Variants in CFAP263 observed in about 807,000 individuals in gnomAD.
CFAP263 encodes cilia and flagella associated protein 263.
chr16:58,252,963 C>T, the CFAP263 span: 1 of 1,056,268 alleles, frequency 9.5e-7, no homozygotes, highest in East Asian at 2.4e-5. Flanking sequence ...ACCATGGGAC[C>T]TTCTCCCTGT....
chr16:58,279,667 T>TTTTTTTC, the CFAP263 span: 1 of 1,496,288 alleles, frequency 6.7e-7, no homozygotes, highest in Non-Finnish European at 8.8e-7. Context: ...ATTTTTTTTC[T>TTTTTTTC]TTTTTTCTTT....
At chr16:58,253,378 CT>C in the CFAP263 span, among the ~76,000 whole-genome samples, 1 of 150,874 alleles carries the variant, frequency 6.6e-6, no homozygotes, top group Non-Finnish European at 1.5e-5. Context: ...AAGACTCTGT[CT>C]CAAAAAAATT....
chr16:58,280,357 T>A, the CFAP263 span: 4 of 1,614,184 alleles, frequency 2.5e-6, no homozygotes, highest in Non-Finnish European at 3.4e-6. Context: ...GTATAAGGGT[T>A]GTACAGACGC....
the CFAP263 span, chr16:58,259,834 A>C: frequency 2.1e-6 from 3 of 1,455,238 alleles, no homozygotes; most frequent in Admixed American, 3.5e-5. Context: ...AATGCATTAA[A>C]ATATGCCTTT....
chr16:58,270,412 G>T, the CFAP263 span, among the ~76,000 whole-genome samples: 1 of 151,832 alleles, frequency 6.6e-6, no homozygotes, highest in Non-Finnish European at 1.5e-5. Flanking sequence ...AAACAGAAGG[G>T]TTATATCGGT....
the CFAP263 span, among the ~76,000 whole-genome samples, chr16:58,263,603 A>G: frequency 1.4e-4 from 21 of 152,304 alleles, no homozygotes; most frequent in South Asian, 8.3e-4. Flanking sequence ...CACAGTTTAA[A>G]AATGTGAATA....
chr16:58,266,081 C>A, the CFAP263 span, among the ~76,000 whole-genome samples: 1 of 152,166 alleles, frequency 6.6e-6, no homozygotes, highest in Non-Finnish European at 1.5e-5. Flanking sequence ...GGACATGGAA[C>A]AGGAAATGAG....
chr16:58,280,453 A>G, the CFAP263 span: 1 of 1,614,180 alleles, frequency 6.2e-7, no homozygotes, highest in Non-Finnish European at 8.5e-7. Flanking sequence ...TGAATGCGTG[A>G]TGGTCCTTCT....
chr16:58,262,461 C>T, the CFAP263 span: 2 of 1,612,756 alleles, frequency 1.2e-6, no homozygotes, highest in East Asian at 2.2e-5. Context: ...TTTCTTGAGA[C>T]AATTGAAGCA....
At chr16:58,258,617 CCA>C in the CFAP263 span, 2 of 1,210,322 alleles carry the variant, frequency 1.7e-6, no homozygotes, top group Non-Finnish European at 2.4e-6. Context: ...TCCCTTTGGT[CCA>C]CCATAAATGT....
the CFAP263 span, among the ~76,000 whole-genome samples, chr16:58,274,969 C>T: frequency 1.3e-5 from 2 of 152,164 alleles, no homozygotes; most frequent in Non-Finnish European, 2.9e-5. Context: ...TTAATGCCTT[C>T]ATTCTTGCTA....
At chr16:58,251,903 A>G in the CFAP263 span, among the ~76,000 whole-genome samples, 4 of 152,382 alleles carry the variant, frequency 2.6e-5, no homozygotes, top group Middle Eastern at 6.8e-3. Flanking sequence ...TAACCTTGGC[A>G]TATACAGGAT....
the CFAP263 span, among the ~76,000 whole-genome samples, chr16:58,279,236 G>T: frequency 6.6e-6 from 1 of 152,106 alleles, no homozygotes; most frequent in Non-Finnish European, 1.5e-5. Context: ...GGTCATGCAG[G>T]ACATCATCAG....
chr16:58,262,476 A>ATCAAGAACT, the CFAP263 span: 1 of 1,613,792 alleles, frequency 6.2e-7, no homozygotes, highest in East Asian at 2.2e-5. Flanking sequence ...GAAGCAAGGA[A>ATCAAGAACT]TCAAGAACTG....
chr16:58,272,572 T>C, the CFAP263 span, among the ~76,000 whole-genome samples: 2 of 152,136 alleles, frequency 1.3e-5, no homozygotes. Context: ...TATCTAAACA[T>C]AGAAAAGGTA....
At chr16:58,262,283 A>T in the CFAP263 span, 43 of 1,088,318 alleles carry the variant, frequency 4.0e-5, no homozygotes, top group Non-Finnish European at 5.8e-5. Flanking sequence ...TGACTGAATG[A>T]TGACTGACCT....
chr16:58,261,022 T>TC, the CFAP263 span, among the ~76,000 whole-genome samples: 2 of 152,144 alleles, frequency 1.3e-5, no homozygotes, highest in African/African-American at 4.8e-5. Context: ...GGGTAGCCTT[T>TC]CTCTACTCTG....
chr16:58,263,356 T>C, the CFAP263 span, among the ~76,000 whole-genome samples: 3 of 152,244 alleles, frequency 2.0e-5, no homozygotes, highest in East Asian at 5.8e-4. Flanking sequence ...ACCTATATTC[T>C]ACAGTATTGT....
the CFAP263 span, among the ~76,000 whole-genome samples, chr16:58,261,823 G>C: frequency 2.6e-5 from 4 of 152,206 alleles, no homozygotes; most frequent in Non-Finnish European, 5.9e-5. Context: ...ACCTGGCAGG[G>C]CTGGTAAAGT....
Sources: gnomAD v4.1 joint callset for allele counts (sites outside exome capture counted in the v4.1 genomes callset) on GRCh38, gnomAD v4.1.1 for gene constraint, MANE v1.5 for transcripts, NCBI Gene and HGNC (gene_info 2026-07-23, HGNC 2026-07-21) for gene names.